ERBB4: variants seen among roughly 807,000 people sequenced by gnomAD.
The protein encoded by ERBB4 is erb-b2 receptor tyrosine kinase 4.
In ERBB4, 42 loss-of-function variants were observed where a neutral mutation model predicts 158.0. The observed-to-expected ratio is 0.27, with a 90% CI of 0.21 to 0.34. The LOEUF (loss-of-function observed/expected upper bound fraction) is 0.34, where lower values mean the gene tolerates loss of function less well. Ranked by LOEUF, ERBB4 falls within the 10% of genes least tolerant of loss-of-function variation. The pLI is 1.00. For synonymous variants in ERBB4, 583 were observed against 558.7 expected, an observed-to-expected ratio of 1.04 and a Z score of -0.61; for missense variants, 1,333 against 1,624.1, an observed-to-expected ratio of 0.82 and a Z score of 3.08.
intron 2 of ERBB4, among the ~76,000 whole-genome samples, chr2:212,053,727 A>G (rs1007280263): frequency 6.6e-6 from 1 of 151,278 alleles, no homozygotes; most frequent in African/African-American, 2.4e-5. Context: ...AGCTCCGTGG[A>G]CTCCCCAAGC....
chr2:212,338,009 T>G (rs986897933), intron 1 of ERBB4, among the ~76,000 whole-genome samples: 1 of 152,112 alleles, frequency 6.6e-6, no homozygotes, highest in Non-Finnish European at 1.5e-5. Context: ...GCCAGGATAA[T>G]TGACATCAGC....
At chr2:211,675,043 T>C (rs937844778) in intron 13 of ERBB4, among the ~76,000 whole-genome samples, 1 of 152,162 alleles carries the variant, frequency 6.6e-6, no homozygotes, top group Non-Finnish European at 1.5e-5. Context: ...TCAGAAAAGA[T>C]CCTCCTGGCA....
At chr2:211,636,094 A>C (rs2125884776) in intron 16 of ERBB4, among the ~76,000 whole-genome samples, 1 of 80,244 alleles carries the variant, frequency 1.2e-5, no homozygotes, top group Non-Finnish European at 3.3e-5. Context: ...TGTTAAACTG[A>C]AAATGCGTGT....
chr2:212,228,436 A>G (rs2083549588), intron 1 of ERBB4, among the ~76,000 whole-genome samples: 1 of 152,172 alleles, frequency 6.6e-6, no homozygotes, highest in South Asian at 2.1e-4. Flanking sequence ...TGGAGGAGAT[A>G]ATTTATAATT....
chr2:212,185,824 T>C (rs1453271835), intron 1 of ERBB4, among the ~76,000 whole-genome samples: 1 of 152,170 alleles, frequency 6.6e-6, no homozygotes, highest in Non-Finnish European at 1.5e-5. Context: ...ATTACAAGCA[T>C]ACTTTGGAAA....
At chr2:211,758,454 G>T (rs1456353511) in intron 4 of ERBB4, among the ~76,000 whole-genome samples, 1 of 152,128 alleles carries the variant, frequency 6.6e-6, no homozygotes, top group Non-Finnish European at 1.5e-5. Flanking sequence ...TCATATATTT[G>T]TTCCAAACCA....
intron 3 of ERBB4, among the ~76,000 whole-genome samples, chr2:211,791,352 A>C (rs1043572917): frequency 6.6e-6 from 1 of 151,948 alleles, no homozygotes; most frequent in African/African-American, 2.4e-5. Context: ...AAGTTTTATC[A>C]AAGATTTTAC....
intron 4 of ERBB4, among the ~76,000 whole-genome samples, chr2:211,758,791 T>C (rs1387767082): frequency 6.6e-6 from 1 of 152,230 alleles, no homozygotes; most frequent in East Asian, 1.9e-4. Flanking sequence ...GCACAACCTG[T>C]TCAGCTATAT....
At chr2:211,643,904 T>G (rs1444321585) in intron 16 of ERBB4, among the ~76,000 whole-genome samples, 1 of 152,030 alleles carries the variant, frequency 6.6e-6, no homozygotes, top group Non-Finnish European at 1.5e-5. Flanking sequence ...CAAGCAGTAA[T>G]AAAATTCAAA....
chr2:212,190,562 G>GAAA (rs2082160460), intron 1 of ERBB4, among the ~76,000 whole-genome samples: 1 of 150,026 alleles, frequency 6.7e-6, no homozygotes, highest in Non-Finnish European at 1.5e-5. Flanking sequence ...AGAAGAAGAA[G>GAAA]AAGAACTGGG....
At chr2:212,337,469 A>G (rs1426776351) in intron 1 of ERBB4, among the ~76,000 whole-genome samples, 1 of 152,086 alleles carries the variant, frequency 6.6e-6, no homozygotes, top group Non-Finnish European at 1.5e-5. Context: ...AAAATTGTAG[A>G]TGGCACCTGT....
At chr2:212,152,657 C>G (rs892959955) in intron 1 of ERBB4, among the ~76,000 whole-genome samples, 5 of 152,248 alleles carry the variant, frequency 3.3e-5, no homozygotes, top group African/African-American at 1.2e-4. Context: ...CAGCCCACAT[C>G]ATTCTTTCTG....
At chr2:212,100,008 C>T (rs1168649737) in intron 2 of ERBB4, among the ~76,000 whole-genome samples, 4 of 151,818 alleles carry the variant, frequency 2.6e-5, no homozygotes, top group Non-Finnish European at 4.4e-5. Flanking sequence ...TTTAAAACAG[C>T]CATTCCATTG....
chr2:211,620,176 T>C (rs2069544329), intron 18 of ERBB4, among the ~76,000 whole-genome samples: 1 of 152,062 alleles, frequency 6.6e-6, no homozygotes, highest in African/African-American at 2.4e-5. Flanking sequence ...AGGTGTATTT[T>C]CCCAAATGAA....
At chr2:211,968,533 A>C (rs1381522389) in intron 2 of ERBB4, among the ~76,000 whole-genome samples, 1 of 152,062 alleles carries the variant, frequency 6.6e-6, no homozygotes. Flanking sequence ...TCAGTTTCTT[A>C]TTGCTTTAAC....
chr2:212,371,534 A>G lies in ERBB4; in HGVS notation c.82+166915T>C, dbSNP rs527629996. On this transcript the variant is annotated intron_variant, in intron 1 of 27. Coordinates refer to ENST00000342788, the MANE Select transcript of ERBB4 (RefSeq NM_005235.3). ...ACTACGTACTGTCTTTTAAAATCCA[A>G]TGCAAGTTCTATTGTATTTAGGAAG... is the stretch of plus-strand genomic sequence containing the variant. Among the ~76,000 whole-genome samples the G allele has an allele frequency of 4.6e-5, 7 of 152,350 alleles. No individual in the cohort carries two copies. The South Asian group carries it at 1.2e-3, about 27-fold the overall frequency.
intron 1 of ERBB4, among the ~76,000 whole-genome samples, chr2:212,345,182 C>A (rs1218818880): frequency 7.1e-6 from 1 of 140,754 alleles, no homozygotes; most frequent in African/African-American, 2.6e-5. Flanking sequence ...AGGAGAATGG[C>A]GTGAACCCGG....
chr2:212,233,486 T>C (rs2083738495), intron 1 of ERBB4, among the ~76,000 whole-genome samples: 2 of 152,114 alleles, frequency 1.3e-5, no homozygotes, highest in Admixed American at 6.5e-5. Context: ...TTTTACTGAG[T>C]ATTATGGAAA....
chr2:211,897,611 G>GA (rs1475995239), intron 3 of ERBB4, among the ~76,000 whole-genome samples: 2 of 151,970 alleles, frequency 1.3e-5, no homozygotes, highest in East Asian at 3.9e-4. Context: ...CCTCAACCAG[G>GA]AAAAAAATAA....
Sources: allele counts gnomAD v4.1 joint callset (sites outside exome capture counted in the v4.1 genomes callset), GRCh38; gene constraint gnomAD v4.1.1; transcripts MANE v1.5; gene names NCBI Gene and HGNC (gene_info 2026-07-23, HGNC 2026-07-21).